Variants in TWIST2 observed in about 807,000 individuals in gnomAD.
TWIST2 encodes the protein twist-related protein 2.
TWIST2 carries 1 observed loss-of-function variant against 11.6 expected under a neutral mutation model. That is an observed-to-expected ratio of 0.09 (90% CI 0.03 to 0.41). The LOEUF (loss-of-function observed/expected upper bound fraction) is 0.41, where lower values mean the gene tolerates loss of function less well. Among genes scored for constraint, TWIST2 ranks in the 10% least tolerant of loss-of-function variants. The pLI is 0.98. For missense variants in TWIST2, 168 were observed against 226.4 expected (o/e 0.74, Z 1.66); for synonymous variants, 87 against 96.6 (o/e 0.90, Z 0.58).
rs1005053378 is a variant in TWIST2, at chr2:238,862,591, T to C, written c.*35+13858T>C. Among the ~76,000 whole-genome samples, 3 of 152,324 alleles carry C rather than the reference T, an allele frequency of 2.0e-5. No individual in the cohort carries two copies. In the East Asian group the frequency reaches 5.8e-4, roughly 29 times the overall value. The stretch of plus-strand genomic sequence containing the variant: ...AGGTGGGGGAACCAGGCCATCCTAT[T>C]TGCCAGAGGGAAGAAAAGCTGCACA... On this transcript the variant is annotated intron_variant, in intron 1 of 1. Transcript: ENST00000612363.
intron 1 of TWIST2, among the ~76,000 whole-genome samples, chr2:238,899,271 T>C (rs1374026479): frequency 5.9e-5 from 9 of 152,262 alleles, no homozygotes; most frequent in African/African-American, 1.4e-4. Flanking sequence ...TGAGCACTTA[T>C]GAAGTGCCAG....
chr2:238,891,683 G>A (rs2106369630), intron 1 of TWIST2, among the ~76,000 whole-genome samples: 1 of 152,318 alleles, frequency 6.6e-6, no homozygotes, highest in Non-Finnish European at 1.5e-5. Flanking sequence ...AGGTTCGAGG[G>A]TCATCCTTGG....
rs1476823260 is a variant in TWIST2 at position 238,867,949 on chromosome 2, G to T, written c.*35+19216G>T. On this transcript the variant is annotated intron_variant, in intron 1 of 1. Transcript: ENST00000612363. This position sits in a 1 kb window ranked among gnomAD's most constrained non-coding sequence, Gnocchi z 4.8. ...GAGCAGAGACTGTGGTCAGCGGAAG[G>T]CATGAGAGGGGCCACCCTCCTGCAT... Among the ~76,000 whole-genome samples the T allele has an allele frequency of 6.6e-6, 1 of 152,218 alleles. No homozygotes were observed. Among genetic ancestry groups the T allele is most frequent in the Non-Finnish European group, 1.5e-5 (1 of 68,034 alleles).
At chr2:238,909,607 G>A (rs1344246947) in intron 1 of TWIST2, among the ~76,000 whole-genome samples, 1 of 152,142 alleles carries the variant, frequency 6.6e-6, no homozygotes, top group Non-Finnish European at 1.5e-5. Context: ...AGGGCACTCG[G>A]GGGAGGGAAA....
At chr2:238,893,866 T>A (rs1302801533) in intron 1 of TWIST2, among the ~76,000 whole-genome samples, 1 of 152,188 alleles carries the variant, frequency 6.6e-6, no homozygotes, top group Non-Finnish European at 1.5e-5. Context: ...TCCTGGACCC[T>A]GGTGACCTTT....
At chr2:238,887,525 A>G (rs568639390) in intron 1 of TWIST2, among the ~76,000 whole-genome samples, 1 of 152,310 alleles carries the variant, frequency 6.6e-6, no homozygotes, top group Non-Finnish European at 1.5e-5. Flanking sequence ...TTTGTTTTAA[A>G]ACCCTTGCTT....
At chr2:238,849,333 T>G (rs1207771521) in intron 1 of TWIST2, among the ~76,000 whole-genome samples, 1 of 152,090 alleles carries the variant, frequency 6.6e-6, no homozygotes, top group Non-Finnish European at 1.5e-5. Flanking sequence ...GGCTCCAGGG[T>G]TTGCCTGGGG....
chr2:238,909,430 GCTCCCTC>G (rs1693415491), intron 1 of TWIST2, among the ~76,000 whole-genome samples: 2 of 152,126 alleles, frequency 1.3e-5, no homozygotes, highest in African/African-American at 4.8e-5. Flanking sequence ...AAACCCCACA[GCTCCCTC>G]GGGCCTGCAC....
chr2:238,877,840 C>T (rs1038515088), intron 1 of TWIST2, among the ~76,000 whole-genome samples: 9 of 152,122 alleles, frequency 5.9e-5, no homozygotes, highest in African/African-American at 1.4e-4. Context: ...AGAGCAAACA[C>T]GTCCAAGAAA....
chr2:238,872,128 T>TG (rs550627683), intron 1 of TWIST2, among the ~76,000 whole-genome samples: 72 of 152,274 alleles, frequency 4.7e-4, no homozygotes, highest in Middle Eastern at 3.4e-3. Flanking sequence ...ACTCCTGGGC[T>TG]GGGGGGGTCC....
At chr2:238,889,202 C>T (rs983402928) in intron 1 of TWIST2, among the ~76,000 whole-genome samples, 2 of 152,160 alleles carry the variant, frequency 1.3e-5, no homozygotes, top group Non-Finnish European at 2.9e-5. Context: ...ACACTGAATT[C>T]TGAATCGTGG....
At chr2:238,853,479 GAA>G (rs1464504327) in intron 1 of TWIST2, among the ~76,000 whole-genome samples, 2 of 148,712 alleles carry the variant, frequency 1.3e-5, no homozygotes, top group East Asian at 3.9e-4. Context: ...GAGAGAGAGA[GAA>G]ACTCAAACCC....
intron 1 of TWIST2, among the ~76,000 whole-genome samples, chr2:238,870,568 C>CACACACCACACACACATCACATACCA (rs1692658997): frequency 3.5e-4 from 5 of 14,442 alleles, no homozygotes; most frequent in African/African-American, 5.0e-4. Flanking sequence ...ACACCACACA[C>CACACACCACACACACATCACATACCA]CACACACCAC....
At chr2:238,902,991 GGTATGTGCGTGATGTGAGGT>G (rs1693294432) in intron 1 of TWIST2, among the ~76,000 whole-genome samples, 2 of 35,304 alleles carry the variant, frequency 5.7e-5, no homozygotes, top group African/African-American at 3.4e-4. Context: ...GTGTGTGATG[GGTATGTGCGTGATGTGAGGT>G]GTGTGTGATG....
intron 1 of TWIST2, among the ~76,000 whole-genome samples, chr2:238,865,260 A>G (rs942731517): frequency 6.6e-6 from 1 of 152,194 alleles, no homozygotes; most frequent in Non-Finnish European, 1.5e-5. Flanking sequence ...TATCTAAAAA[A>G]TGAGATTTTT....
intron 1 of TWIST2, among the ~76,000 whole-genome samples, chr2:238,896,993 G>T (rs1693214859): frequency 1.3e-5 from 2 of 152,162 alleles, no homozygotes; most frequent in African/African-American, 4.8e-5. Flanking sequence ...GGGCAACCTG[G>T]CAGAGCCATT....
At chr2:238,858,595 G>T (rs1477257711) in intron 1 of TWIST2, among the ~76,000 whole-genome samples, 2 of 152,104 alleles carry the variant, frequency 1.3e-5, no homozygotes, top group South Asian at 2.1e-4. Context: ...ACACTTTTCT[G>T]CCCTCAGCCT....
At position 238,848,690 on chromosome 2, in the gene TWIST2, T is replaced by A. The variant is rs1021662790; in HGVS notation, c.475T>A (p.Ser159Thr). Residue 159 changes from serine to threonine, a missense_variant, in exon 1 of 2, where the codon TCC becomes ACC. Ser to Thr is a moderately conservative substitution (Grantham distance 58). Around this residue, in one of 3 missense-constraint regions of TWIST2, gnomAD observed 62 missense variants for 75.3 expected, o/e 0.82. Transcript: ENST00000612363. Reference protein sequence around the residue: ...RMEGAWSMSASH With the variant: ...RMEGAWSMSATH ...GGAGGGCGCGTGGTCCATGTCCGCC[T>A]CCCACTAGCGCCGCGCCACCCACCT... is the stretch of plus-strand genomic sequence containing the variant. 1.5e-5 allele frequency: 23 copies of A among 1,518,780 alleles called. No individual in the cohort carries two copies. The highest frequency in any genetic ancestry group is 1.9e-5 in the Non-Finnish European group (22 of 1,135,630). The allele number at this position is 1,518,780 out of a possible 1,614,324, so 94.1% of individuals were successfully genotyped here.
In TWIST2 at chr2:238,864,329, A is replaced by G. The variant is rs907189360; in HGVS notation, c.*35+15596A>G. The stretch of plus-strand genomic sequence containing the variant: ...CACAGATGCTCACTGCTGTAGAGAC[A>G]TAAAGAAACCAAGAGGTTAACTGCC... On this transcript the variant is annotated intron_variant, in intron 1 of 1. Transcript: ENST00000612363. The surrounding 1 kb of genome is among the most constrained non-coding windows in gnomAD (Gnocchi z 4.7). Among the ~76,000 whole-genome samples the G allele has an allele frequency of 6.6e-6, 1 of 152,218 alleles. No individual in the cohort carries two copies. The highest frequency in any genetic ancestry group is 2.4e-5 in the African/African-American group (1 of 41,468).
Sources: allele counts gnomAD v4.1 joint callset (sites outside exome capture counted in the v4.1 genomes callset), GRCh38; gene constraint gnomAD v4.1.1; regional missense constraint gnomAD v4.1.1; non-coding constraint Gnocchi (gnomAD v3.1); transcripts MANE v1.5; gene names NCBI Gene and HGNC (gene_info 2026-07-23, HGNC 2026-07-21).